The following ATRNL1 variants were observed in gnomAD, a reference collection of about 807,000 sequenced individuals.
ATRNL1 encodes attractin-like protein 1.
A neutral mutation model predicts 182.7 loss-of-function variants in ATRNL1; 95 were observed. The observed-to-expected ratio is 0.52, with a 90% CI of 0.44 to 0.62. ATRNL1 has a LOEUF of 0.62. Ranked by LOEUF, ATRNL1 falls within the 20% of genes least tolerant of loss-of-function variation. ATRNL1 has a pLI of 0.00. For synonymous variants in ATRNL1, 576 were observed against 568.3 expected (o/e 1.01, Z -0.19); for missense variants, 1,471 against 1,679.5 (o/e 0.88, Z 2.17).
intron 26 of ATRNL1, among the ~76,000 whole-genome samples, chr10:115,619,756 T>G (rs1258236460): frequency 1.3e-5 from 2 of 152,244 alleles, no homozygotes; most frequent in African/African-American, 4.8e-5. Flanking sequence ...CATAAAAATT[T>G]CATTTATAAA....
chr10:115,275,891 G>A (rs1554914693), intron 13 of ATRNL1, among the ~76,000 whole-genome samples: 1 of 152,100 alleles, frequency 6.6e-6, no homozygotes, highest in Non-Finnish European at 1.5e-5. Flanking sequence ...CTCACTGTGG[G>A]CCACCTTTTG....
intron 13 of ATRNL1, among the ~76,000 whole-genome samples, chr10:115,276,033 A>G (rs1219264016): frequency 6.6e-6 from 1 of 151,956 alleles, no homozygotes; most frequent in African/African-American, 2.4e-5. Flanking sequence ...TTCGTCTATC[A>G]TTTTCCAATA....
chr10:115,531,002 C>T (rs1851544935), intron 25 of ATRNL1, among the ~76,000 whole-genome samples: 1 of 151,982 alleles, frequency 6.6e-6, no homozygotes, highest in Non-Finnish European at 1.5e-5. Flanking sequence ...GTATATGTGC[C>T]ACATTTTCTT....
chr10:115,375,485 A>T (rs1857622261), intron 19 of ATRNL1, among the ~76,000 whole-genome samples: 1 of 152,066 alleles, frequency 6.6e-6, no homozygotes, highest in Non-Finnish European at 1.5e-5. Context: ...ACTGATAAAT[A>T]TTTAATCTTG....
chr10:115,746,658 A>G (rs1393502604), intron 27 of ATRNL1, among the ~76,000 whole-genome samples: 1 of 152,060 alleles, frequency 6.6e-6, no homozygotes, highest in Non-Finnish European at 1.5e-5. Context: ...CTTATATTAT[A>G]ATACTGATCT....
At chr10:115,218,232 T>G (rs1849306899) in intron 9 of ATRNL1, among the ~76,000 whole-genome samples, 1 of 151,944 alleles carries the variant, frequency 6.6e-6, no homozygotes, top group South Asian at 2.1e-4. Context: ...GTTTTGCCTA[T>G]GTTCAGTCTA....
At chr10:115,740,688 T>G (rs782033701) in intron 27 of ATRNL1, among the ~76,000 whole-genome samples, 4 of 152,072 alleles carry the variant, frequency 2.6e-5, no homozygotes, top group Non-Finnish European at 5.9e-5. Context: ...GTATTTTTAG[T>G]AGAGATGGTG....
intron 22 of ATRNL1, among the ~76,000 whole-genome samples, chr10:115,464,879 A>C (rs1488612790): frequency 6.6e-6 from 1 of 151,748 alleles, no homozygotes; most frequent in South Asian, 2.1e-4. Context: ...CCTTTTTTTG[A>C]GTTCCCAGTC....
At chr10:115,916,917 A>G (rs1342782164) in intron 28 of ATRNL1, among the ~76,000 whole-genome samples, 1 of 152,174 alleles carries the variant, frequency 6.6e-6, no homozygotes, top group Non-Finnish European at 1.5e-5. Flanking sequence ...GCTTAGGAGG[A>G]CCAGGCTCAG....
chr10:115,218,649 A>C (rs548259362), intron 9 of ATRNL1, among the ~76,000 whole-genome samples: 4 of 152,204 alleles, frequency 2.6e-5, no homozygotes, highest in Non-Finnish European at 5.9e-5. Context: ...GAAACATGTC[A>C]GAAATTCGAG....
intron 26 of ATRNL1, among the ~76,000 whole-genome samples, chr10:115,619,552 G>A (rs1857612249): frequency 6.6e-6 from 1 of 152,202 alleles, no homozygotes; most frequent in Non-Finnish European, 1.5e-5. Flanking sequence ...CAGACTCCAG[G>A]CAGTCTGATC....
At chr10:115,664,206 G>T (rs1452591966) in intron 26 of ATRNL1, among the ~76,000 whole-genome samples, 1 of 152,142 alleles carries the variant, frequency 6.6e-6, no homozygotes, top group Non-Finnish European at 1.5e-5. Context: ...ATACCAATCT[G>T]TAGGAAGCCT....
intron 27 of ATRNL1, among the ~76,000 whole-genome samples, chr10:115,782,442 G>A (rs1555079512): frequency 1.3e-5 from 2 of 152,172 alleles, no homozygotes. Context: ...AAAAAGTGTT[G>A]ATGCAATCAC....
chr10:115,351,069 A>G (rs1406472806), intron 19 of ATRNL1, among the ~76,000 whole-genome samples: 2 of 152,174 alleles, frequency 1.3e-5, no homozygotes, highest in Non-Finnish European at 2.9e-5. Flanking sequence ...CCATACAGAA[A>G]TGCTACTGAA....
chr10:115,736,569 G>A (rs1555065775), intron 27 of ATRNL1, among the ~76,000 whole-genome samples: 1 of 151,974 alleles, frequency 6.6e-6, no homozygotes, highest in Non-Finnish European at 1.5e-5. Context: ...CAATCATTAT[G>A]ACTGATTTCC....
intron 26 of ATRNL1, among the ~76,000 whole-genome samples, chr10:115,629,775 G>A (rs1278439261): frequency 6.6e-6 from 1 of 152,002 alleles, no homozygotes; most frequent in Non-Finnish European, 1.5e-5. Context: ...TTTAAACATG[G>A]AATTCTGTTT....
chr10:115,534,460 G>A (rs1765071045), intron 25 of ATRNL1, among the ~76,000 whole-genome samples: 1 of 152,260 alleles, frequency 6.6e-6, no homozygotes, highest in African/African-American at 2.4e-5. Flanking sequence ...TTGCTTGGCA[G>A]ATCTTCCTCC....
chr10:115,719,299 A>G (rs951185474), intron 26 of ATRNL1, among the ~76,000 whole-genome samples: 3 of 152,206 alleles, frequency 2.0e-5, no homozygotes, highest in Non-Finnish European at 2.9e-5. Context: ...ACAGAACTTC[A>G]TTTCTCATTA....
chr10:115,404,119 GA>G (rs782179390), intron 20 of ATRNL1, among the ~76,000 whole-genome samples: 10 of 152,110 alleles, frequency 6.6e-5, no homozygotes, highest in Non-Finnish European at 1.2e-4. Context: ...AGTTCTTTTG[GA>G]GTATGACTTA....
Sources: allele counts gnomAD v4.1 joint callset (sites outside exome capture counted in the v4.1 genomes callset), GRCh38; gene constraint gnomAD v4.1.1; transcripts MANE v1.5; gene names NCBI Gene and HGNC (gene_info 2026-07-23, HGNC 2026-07-21).